Variants in ZNF565 observed in about 807,000 individuals in gnomAD.
The protein encoded by ZNF565 is zinc finger protein 565.
In ZNF565, 27 loss-of-function variants were observed where a neutral mutation model predicts 39.4. The observed-to-expected ratio is 0.69, with a 90% confidence interval of 0.51 to 0.95. The LOEUF is 0.95. Ranked by LOEUF, ZNF565 falls within the 40% of genes least tolerant of loss-of-function variation. ZNF565 has a pLI of 0.00. For missense variants in ZNF565, 524 were observed against 621.1 expected, an observed-to-expected ratio of 0.84 and a Z score of 1.66; for synonymous variants, 185 against 216.6, an observed-to-expected ratio of 0.85 and a Z score of 1.28.
chr19:36,207,038 G>T (rs917633445), intron 1 of ZNF565, among the ~76,000 whole-genome samples: 1 of 152,120 alleles, frequency 6.6e-6, no homozygotes, highest in Non-Finnish European at 1.5e-5. Flanking sequence ...AATTGCAAGG[G>T]TCTGAAGGCA....
chr19:36,241,781 CAAAAAAAAA>C lies in ZNF565; in HGVS notation c.55+3686_55+3694del, dbSNP rs57036778. On this transcript the variant is annotated intron_variant, in intron 1 of 4. Coordinates refer to the ZNF565 transcript ENST00000355114. ...CACTCCAGCCTGGCAAGAAGAGTGT[CAAAAAAAAA>C]AAAAAAAAAAAAAGCTGGGACAATT... Among the ~76,000 whole-genome samples, 9 of 79,746 alleles carry C rather than the reference CAAAAAAAAA, an allele frequency of 1.1e-4. No homozygotes were observed. The East Asian group carries it at 2.2e-3, about 20-fold the overall frequency. 52.3% of individuals were successfully genotyped at this position (79,746 alleles called of 152,430 possible).
intron 4 of ZNF565, among the ~76,000 whole-genome samples, chr19:36,187,648 G>A (rs935445798): frequency 1.4e-5 from 2 of 140,532 alleles, no homozygotes; most frequent in African/African-American, 5.4e-5. Flanking sequence ...GAGCCATGGT[G>A]CCCGGCCGAG....
At chr19:36,214,899 C>T (rs1352136784), upstream of ZNF565, 4 of 152,760 alleles carry the variant, frequency 2.6e-5, no homozygotes, top group Non-Finnish European at 4.4e-5. Flanking sequence ...TCAAGAGCTC[C>T]ATCGTCACAG....
At chr19:36,236,123 A>G in intron 1 of ZNF565, 1 of 262,264 alleles carries the variant, frequency 3.8e-6, no homozygotes, top group South Asian at 8.2e-5. Flanking sequence ...CTGTGCTTCT[A>G]AGGAGTATTG....
intron 1 of ZNF565, among the ~76,000 whole-genome samples, chr19:36,234,112 ATTTG>A (rs1241420210): frequency 6.6e-6 from 1 of 152,178 alleles, no homozygotes; most frequent in African/African-American, 2.4e-5. Context: ...GCCTTCAAGC[ATTTG>A]TTTAACAAAG....
At chr19:36,207,936 A>G (rs1293771549) in intron 1 of ZNF565, among the ~76,000 whole-genome samples, 1 of 152,180 alleles carries the variant, frequency 6.6e-6, no homozygotes, top group African/African-American at 2.4e-5. Flanking sequence ...CAGAAATAAA[A>G]TGTGACTCTG....
At chr19:36,208,620 G>A (rs1490945810) in intron 1 of ZNF565, among the ~76,000 whole-genome samples, 3 of 152,058 alleles carry the variant, frequency 2.0e-5, no homozygotes, top group African/African-American at 2.4e-5. Flanking sequence ...TTGAAGCTAC[G>A]TGCCTAAATG....
intron 1 of ZNF565, among the ~76,000 whole-genome samples, chr19:36,232,265 T>G (rs1335815510): frequency 3.3e-5 from 5 of 152,052 alleles, no homozygotes; most frequent in Non-Finnish European, 7.4e-5. Flanking sequence ...CTTTATAAAA[T>G]TTTTGAATCT....
intron 1 of ZNF565, among the ~76,000 whole-genome samples, chr19:36,233,915 G>A (rs942242972): frequency 2.0e-5 from 3 of 146,652 alleles, no homozygotes; most frequent in Non-Finnish European, 2.9e-5. Context: ...GACCCTTTAC[G>A]GGTGTCGGAC....
chr19:36,187,091 G>A (rs919914419), intron 4 of ZNF565, among the ~76,000 whole-genome samples: 1 of 151,970 alleles, frequency 6.6e-6, no homozygotes, highest in Non-Finnish European at 1.5e-5. Flanking sequence ...TCGGGAGGCT[G>A]AGGCAAGAGA....
intron 1 of ZNF565, 118 bp from the exon 2 acceptor site, chr19:36,202,168 C>T: frequency 1.5e-6 from 1 of 651,332 alleles, no homozygotes; most frequent in Non-Finnish European, 2.7e-6. Flanking sequence ...TCTGCTTCTC[C>T]CACCTCTCCA....
At chr19:36,211,083 C>T (rs2145365227) in intron 1 of ZNF565, among the ~76,000 whole-genome samples, 1 of 150,782 alleles carries the variant, frequency 6.6e-6, no homozygotes, top group South Asian at 2.1e-4. Context: ...CCAGTCTATA[C>T]TTATAGAAAT....
chr19:36,197,264 T>G (rs1188749134), intron 2 of ZNF565, among the ~76,000 whole-genome samples: 1 of 142,540 alleles, frequency 7.0e-6, no homozygotes, highest in South Asian at 2.2e-4. Flanking sequence ...AGAGCGAGAC[T>G]CTGTCTCAAA....
At chr19:36,242,524 C>T (rs1423129939) in intron 1 of ZNF565, among the ~76,000 whole-genome samples, 4 of 152,036 alleles carry the variant, frequency 2.6e-5, no homozygotes, top group Admixed American at 1.3e-4. Flanking sequence ...ATCAAGAGCT[C>T]GAGACCAGCC....
intron 1 of ZNF565, among the ~76,000 whole-genome samples, chr19:36,239,327 CTTTTT>C (rs66496075): frequency 2.1e-5 from 3 of 141,910 alleles, no homozygotes; most frequent in Non-Finnish European, 3.1e-5. Context: ...TTGATAATAT[CTTTTT>C]TTTTTTTTTT....
chr19:36,226,085 C>G (rs925052594), intron 1 of ZNF565, among the ~76,000 whole-genome samples: 6 of 152,128 alleles, frequency 3.9e-5, no homozygotes, highest in African/African-American at 1.4e-4. Flanking sequence ...TAACATTTCT[C>G]CCTGTGTCTT....
chr19:36,238,382 G>T (rs576047337), intron 1 of ZNF565: 11 of 167,112 alleles, frequency 6.6e-5, no homozygotes, highest in Non-Finnish European at 1.2e-4. Flanking sequence ...CCTGTGAAGA[G>T]TGGAGAAGGG....
chr19:36,220,586 G>T (rs930926357), intron 1 of ZNF565, among the ~76,000 whole-genome samples: 1 of 152,022 alleles, frequency 6.6e-6, no homozygotes. Context: ...GGATGGTCTC[G>T]ATCTCCTAAC....
chr19:36,210,250 G>C (rs893087728), intron 1 of ZNF565, among the ~76,000 whole-genome samples: 1 of 151,450 alleles, frequency 6.6e-6, no homozygotes, highest in Non-Finnish European at 1.5e-5. Context: ...ACGAAAACCC[G>C]TCTTTACTAA....
Sources: gnomAD v4.1 joint callset for allele counts (sites outside exome capture counted in the v4.1 genomes callset) on GRCh38, gnomAD v4.1.1 for gene constraint, MANE v1.5 for transcripts, NCBI Gene and HGNC (gene_info 2026-07-23, HGNC 2026-07-21) for gene names.